POFUT2: variants seen among roughly 807,000 people sequenced by gnomAD.
The protein encoded by POFUT2 is protein O-fucosyltransferase 2.
In POFUT2, 30 loss-of-function variants were observed where a neutral mutation model predicts 55.0. That is an observed-to-expected ratio of 0.55 (90% CI 0.41 to 0.74). The LOEUF (loss-of-function observed/expected upper bound fraction) is 0.74, where lower values mean the gene tolerates loss of function less well. POFUT2 is among the 30% of genes least tolerant of loss of function. POFUT2 has a pLI of 0.00. For missense variants in POFUT2, 524 were observed against 562.6 expected (o/e 0.93, Z 0.69); for synonymous variants, 267 against 231.1 (o/e 1.16, Z -1.41).
In POFUT2 at chr21:45,281,575, C is replaced by CTG. The variant is rs978911841; in HGVS notation, c.638+772_638+773dup. Among the ~76,000 whole-genome samples, 1 of 152,112 alleles carries CTG rather than the reference C, an allele frequency of 6.6e-6. No homozygotes were observed. Among genetic ancestry groups the CTG allele is most frequent in the African/African-American group, 2.4e-5 (1 of 41,426 alleles). On this transcript the variant is annotated intron_variant, in intron 4 of 8. Coordinates refer to ENST00000349485, the MANE Select transcript of POFUT2 (RefSeq NM_133635.6). The surrounding 1 kb of genome is among the most constrained non-coding windows in gnomAD (Gnocchi z 5.0). The stretch of plus-strand genomic sequence containing the variant: ...ACTGACCAGGGTGATACCGAGCCAG[C>CTG]TGTGATGTGCAACAGGATCGTGGCT...
rs1348429964 is a variant in POFUT2, at chr21:45,282,474, C to G, written c.528-15G>C. 2 of 1,420,812 alleles carry G rather than the reference C, an allele frequency of 1.4e-6. No individual in the cohort carries two copies. The highest frequency in any genetic ancestry group is 2.8e-5 in the African/African-American group (2 of 71,252). The allele number at this position is 1,420,812 out of a possible 1,614,324, so 88.0% of individuals were successfully genotyped here. A position where few individuals can be genotyped will look rare whatever the true frequency, so the allele number is the denominator to read the frequency against. On this transcript the variant is annotated splice_polypyrimidine_tract_variant and intron_variant, in intron 3 of 8. Coordinates refer to ENST00000349485, the MANE Select transcript of POFUT2 (RefSeq NM_133635.6). The surrounding 1 kb of genome is among the most constrained non-coding windows in gnomAD (Gnocchi z 4.6). ...AAAACCATCCTCTGGAAAACAAAACCCACAGCAGCTCTATCAGTTTATTTT... is the reference window on the plus strand; with the variant it reads ...AAAACCATCCTCTGGAAAACAAAACGCACAGCAGCTCTATCAGTTTATTTT...
chr21:45,267,583 C>CA lies in POFUT2; in HGVS notation c.1136+6dup. Reference sequence around the variant, plus strand: ...CGCTCTCGGCCGACAGTGACGTGGGCAGGCACCTGGCGTGTGCGCAGATCC... The same window carrying CA: ...CGCTCTCGGCCGACAGTGACGTGGGCAAGGCACCTGGCGTGTGCGCAGATCC... On this transcript the variant is annotated splice_region_variant and intron_variant, in intron 8 of 8. Coordinates refer to ENST00000349485, the MANE Select transcript of POFUT2 (RefSeq NM_133635.6). This position sits in a 1 kb window ranked among gnomAD's most constrained non-coding sequence, Gnocchi z 4.4. 6.2e-7 allele frequency: 1 copy of CA among 1,614,172 alleles called. No homozygotes were observed. The highest frequency in any genetic ancestry group is 8.5e-7 in the Non-Finnish European group (1 of 1,180,044).
rs928404194 is a variant in POFUT2 at position 45,267,311 on chromosome 21, C to A, written c.1136+279G>T. Reference sequence around the variant, plus strand: ...AGAAACCGGGAATGATGGGAAAATGCGACACAAGAAGAGGTTCTGAGACGA... The same window carrying A: ...AGAAACCGGGAATGATGGGAAAATGAGACACAAGAAGAGGTTCTGAGACGA... On this transcript the variant is annotated intron_variant, in intron 8 of 8. Transcript: ENST00000349485. The surrounding 1 kb of genome is among the most constrained non-coding windows in gnomAD (Gnocchi z 4.4). The A allele has an allele frequency of 6.1e-6, 9 of 1,471,206 alleles. No homozygotes were observed. The highest frequency in any genetic ancestry group is 8.1e-6 in the Non-Finnish European group (9 of 1,117,502). The allele number at this position is 1,471,206 out of a possible 1,614,324, so 91.1% of individuals were successfully genotyped here. A position where few individuals can be genotyped will look rare whatever the true frequency, so the allele number is the denominator to read the frequency against.
At chr21:45,274,155 CT>C (rs1345118302) in intron 6 of POFUT2, among the ~76,000 whole-genome samples, 1 of 152,156 alleles carries the variant, frequency 6.6e-6, no homozygotes, top group Non-Finnish European at 1.5e-5. Flanking sequence ...CTCAGTAGCA[CT>C]GCTACACACC....
At chr21:45,268,811 TG>T (rs1481071076) in intron 7 of POFUT2, among the ~76,000 whole-genome samples, 2 of 132,104 alleles carry the variant, frequency 1.5e-5, no homozygotes, top group African/African-American at 3.0e-5. Context: ...GGGAGGGAGG[TG>T]GGGGGGTCAG....
At position 45,265,422 on chromosome 21, in the gene POFUT2, G is replaced by A. The variant is rs372678621; in HGVS notation, c.*60C>T. On this transcript the variant is annotated 3_prime_UTR_variant, in exon 9 of 9. Coordinates refer to ENST00000349485, the MANE Select transcript of POFUT2 (RefSeq NM_133635.6). The surrounding 1 kb of genome is among the most constrained non-coding windows in gnomAD (Gnocchi z 4.6). ...TGGCAGTAGACGGTGACTCCACGGC[G>A]ACAGAACCTGCATCCACCCGCGCCT... The A allele has an allele frequency of 2.7e-5, 40 of 1,479,182 alleles. No homozygotes were observed. The highest frequency in any genetic ancestry group is 2.4e-4 in the Admixed American group (12 of 50,452). The allele number at this position is 1,479,182 out of a possible 1,614,324, so 91.6% of individuals were successfully genotyped here. A position where few individuals can be genotyped will look rare whatever the true frequency, so the allele number is the denominator to read the frequency against.
Position 45,285,880 on chromosome 21 carries a change from C to A in POFUT2, c.180G>T (p.Arg60Ser), listed in dbSNP as rs150066648. The change falls in exon 2 of 9, where the codon AGG becomes AGT. Residue 60 changes from arginine (R) to serine (S), a missense_variant. Arg to Ser is a moderately radical substitution (Grantham distance 110). Coordinates refer to ENST00000349485, the MANE Select transcript of POFUT2 (RefSeq NM_133635.6). This position sits in a 1 kb window ranked among gnomAD's most constrained non-coding sequence, Gnocchi z 4.9. ...GAGAGGCGATTCGGATATAGACATC[C>A]CTGCGCAGGTTGAAGCCTTCCGGGG... ...VNPPEGFNLR[R>S]DVYIRIASLL... 1 of 1,612,674 alleles carries A rather than the reference C, an allele frequency of 6.2e-7. No individual in the cohort carries two copies. Among genetic ancestry groups the A allele is most frequent in the Non-Finnish European group, 8.5e-7 (1 of 1,179,800 alleles).
intron 6 of POFUT2, among the ~76,000 whole-genome samples, chr21:45,273,258 A>T (rs529179708): frequency 7.4e-4 from 113 of 152,330 alleles, no homozygotes; most frequent in Middle Eastern, 3.4e-3. Flanking sequence ...TACTATGAAC[A>T]CTTTTATGCG....
At chr21:45,266,572 G>A in intron 8 of POFUT2, 1 of 1,071,262 alleles carries the variant, frequency 9.3e-7, no homozygotes, top group Non-Finnish European at 1.1e-6. Flanking sequence ...TGAGAAGCAG[G>A]GGTGAGTTCG....
In POFUT2 at chr21:45,279,255, G is replaced by A. The variant is rs565140089; in HGVS notation, c.639-1086C>T. ...AAATACAAAAAAATTAGCCGGGCGC[G>A]GTGGTGCATGCCACAAGTAGCCCCA... On this transcript the variant is annotated intron_variant, in intron 4 of 8. Transcript: ENST00000349485. 2.2e-4 allele frequency among the ~76,000 whole-genome samples: 33 copies of A among 152,158 alleles called. No homozygotes were observed. In the South Asian group the frequency reaches 3.3e-3, roughly 15 times the overall value.
intron 6 of POFUT2, among the ~76,000 whole-genome samples, chr21:45,275,912 G>A (rs2093259012): frequency 6.6e-6 from 1 of 152,140 alleles, no homozygotes; most frequent in Non-Finnish European, 1.5e-5. Context: ...AAATAAGCCA[G>A]GCACAGTGGC....
At chr21:45,266,596 G>A (rs1602145076) in intron 8 of POFUT2, 1 of 1,058,278 alleles carries the variant, frequency 9.4e-7, no homozygotes, top group East Asian at 7.9e-5. Context: ...CTGGGCTCCT[G>A]CACACCTCCG....
intron 3 of POFUT2, 91 bp downstream of exon 3, chr21:45,283,292 C>G (rs1406830222): frequency 3.7e-6 from 2 of 539,180 alleles, no homozygotes. Flanking sequence ...GAGGAGTGGG[C>G]GGGGGGCGCC....
In POFUT2 at chr21:45,282,749, G is replaced by A; in HGVS notation, c.528-290C>T. 1 of 533,064 alleles carries A rather than the reference G, an allele frequency of 1.9e-6. No homozygotes were observed. The highest frequency in any genetic ancestry group is 3.7e-6 in the Non-Finnish European group (1 of 272,070). The allele number at this position is 533,064 out of a possible 1,614,324, so 33.0% of individuals were successfully genotyped here. ...AGAGGCAGCCCTGTGCACCTTCAGG[G>A]CCAGCCTGGCTGTGACCGTCAGCCA... On this transcript the variant is annotated intron_variant, in intron 3 of 8. Coordinates refer to ENST00000349485, the MANE Select transcript of POFUT2 (RefSeq NM_133635.6). This position sits in a 1 kb window ranked among gnomAD's most constrained non-coding sequence, Gnocchi z 4.6.
rs1363261326 is a variant in POFUT2 at position 45,284,595 on chromosome 21, C to T, written c.383-1068G>A. Among the ~76,000 whole-genome samples the T allele has an allele frequency of 1.3e-5, 2 of 152,198 alleles. No individual in the cohort carries two copies. Among genetic ancestry groups the T allele is most frequent in the Non-Finnish European group, 2.9e-5 (2 of 68,036 alleles). On this transcript the variant is annotated intron_variant, in intron 2 of 8. Coordinates refer to ENST00000349485, the MANE Select transcript of POFUT2 (RefSeq NM_133635.6). The surrounding 1 kb of genome is among the most constrained non-coding windows in gnomAD (Gnocchi z 5.8). ...TTACACAGCATCTGTCTTCCCAGACCTTCCCAAGCACTTGGATGCCCAAGG... is the reference window on the plus strand; with the variant it reads ...TTACACAGCATCTGTCTTCCCAGACTTTCCCAAGCACTTGGATGCCCAAGG...
chr21:45,267,000 C>T (rs1760382529), intron 8 of POFUT2: 1 of 1,049,576 alleles, frequency 9.5e-7, no homozygotes, highest in Non-Finnish European at 1.2e-6. Flanking sequence ...GCACGCAGGG[C>T]CCACGCTCCC....
rs182054010 is a variant in POFUT2 at position 45,287,879 on chromosome 21, G to C, written c.-8C>G. The C allele has an allele frequency of 6.0e-6, 8 of 1,335,530 alleles. No homozygotes were observed. Among genetic ancestry groups the C allele is most frequent in the Non-Finnish European group, 7.7e-6 (8 of 1,035,486 alleles). The allele number at this position is 1,335,530 out of a possible 1,614,324, so 82.7% of individuals were successfully genotyped here. ...GAAGCTGAGTGTCGCCATGGCCCCGGGCGGCCACGCACTTCCGGCGGCCGC... is the reference window on the plus strand; with the variant it reads ...GAAGCTGAGTGTCGCCATGGCCCCGCGCGGCCACGCACTTCCGGCGGCCGC... On this transcript the variant is annotated 5_prime_UTR_variant, in exon 1 of 9. Transcript: ENST00000349485.
rs762716853 is a variant in POFUT2 at position 45,285,757 on chromosome 21, C to G, written c.303G>C (p.Arg101=). The G allele has an allele frequency of 1.2e-6, 2 of 1,613,514 alleles. No individual in the cohort carries two copies. The highest frequency in any genetic ancestry group is 2.2e-5 in the East Asian group (1 of 44,886). Residue 101 remains arginine, a synonymous_variant, in exon 2 of 9, where the codon CGG becomes CGC. Transcript: ENST00000349485. The surrounding 1 kb of genome is among the most constrained non-coding windows in gnomAD (Gnocchi z 4.9). ...HWQSPDIHQV[R]IPWSEFFDLP... ...GATCAAAAAACTCAGACCAGGGAAT[C>G]CGGACCTGGTGGATGTCAGGACTCT...
At chr21:45,272,154 C>G (rs1428679376) in intron 6 of POFUT2, among the ~76,000 whole-genome samples, 1 of 152,132 alleles carries the variant, frequency 6.6e-6, no homozygotes, top group Non-Finnish European at 1.5e-5. Context: ...AGGCAAAAGT[C>G]TTCAAGAGAC....
Sources: gnomAD v4.1 joint callset for allele counts (sites outside exome capture counted in the v4.1 genomes callset) on GRCh38, gnomAD v4.1.1 for gene constraint, Gnocchi (gnomAD v3.1) non-coding constraint, MANE v1.5 for transcripts, NCBI Gene and HGNC (gene_info 2026-07-23, HGNC 2026-07-21) for gene names.